FER1L6: variants seen among roughly 807,000 people sequenced by gnomAD.
FER1L6 encodes the protein fer-1-like protein 6.
FER1L6 carries 177 observed loss-of-function variants against 219.2 expected under a neutral mutation model. The observed-to-expected ratio is 0.81, with a 90% CI of 0.71 to 0.91. The LOEUF is 0.91. Ranked by LOEUF, FER1L6 falls within the 40% of genes least tolerant of loss-of-function variation. The probability of loss-of-function intolerance (pLI) is 0.00; values close to 1 mark genes in which losing one functional copy is unlikely to be tolerated. For synonymous variants in FER1L6, 768 were observed against 824.3 expected (o/e 0.93, Z 1.17); for missense variants, 2,153 against 2,259.9 (o/e 0.95, Z 0.96).
At chr8:124,067,847 C>T in intron 28 of FER1L6, 41 bp downstream of exon 28, 4 of 1,540,310 alleles carry the variant, frequency 2.6e-6, no homozygotes, top group Non-Finnish European at 3.6e-6. Context: ...TAGAATAGGG[C>T]CATCGTTACG....
At chr8:124,024,825 AG>A (rs1346699848) in intron 18 of FER1L6, among the ~76,000 whole-genome samples, 1 of 152,204 alleles carries the variant, frequency 6.6e-6, no homozygotes, top group African/African-American at 2.4e-5. Flanking sequence ...TCCCATCAGC[AG>A]TATAAAAGCA....
At chr8:124,009,038 T>C (rs754327043) in intron 13 of FER1L6, among the ~76,000 whole-genome samples, 1 of 152,030 alleles carries the variant, frequency 6.6e-6, no homozygotes, top group Non-Finnish European at 1.5e-5. Context: ...AAAAAATAGA[T>C]GTTGGCATGA....
chr8:123,872,227 C>T (rs972223512), intron 1 of FER1L6, among the ~76,000 whole-genome samples: 4 of 152,196 alleles, frequency 2.6e-5, no homozygotes, highest in Non-Finnish European at 5.9e-5. Context: ...ATAATCCAAT[C>T]ACCTCCCACC....
chr8:124,019,257 T>C (rs576965958), intron 16 of FER1L6, among the ~76,000 whole-genome samples: 1 of 152,334 alleles, frequency 6.6e-6, no homozygotes, highest in East Asian at 1.9e-4. Context: ...TTGATGATTA[T>C]GTATATTCAT....
intron 1 of FER1L6, among the ~76,000 whole-genome samples, chr8:123,914,308 T>G (rs1175119313): frequency 6.6e-6 from 1 of 152,194 alleles, no homozygotes; most frequent in African/African-American, 2.4e-5. Flanking sequence ...AATGATGTTT[T>G]TAGAAGAATA....
chr8:124,060,460 G>A, intron 23 of FER1L6, 88 bp from the exon 24 acceptor site: 2 of 1,543,830 alleles, frequency 1.3e-6, no homozygotes, highest in Non-Finnish European at 1.8e-6. Flanking sequence ...TTCTCAGGGA[G>A]CAGGTCTAAC....
At chr8:123,884,898 T>C (rs1311441842) in intron 1 of FER1L6, among the ~76,000 whole-genome samples, 1 of 152,154 alleles carries the variant, frequency 6.6e-6, no homozygotes, top group African/African-American at 2.4e-5. Context: ...AGAATGGAAC[T>C]CTATTTGAAA....
At chr8:123,906,898 C>A (rs769376894) in intron 1 of FER1L6, among the ~76,000 whole-genome samples, 1 of 151,954 alleles carries the variant, frequency 6.6e-6, no homozygotes, top group Non-Finnish European at 1.5e-5. Context: ...TCCAATTTCA[C>A]GTCTTGGATA....
chr8:123,965,490 T>G (rs895322329), intron 3 of FER1L6, among the ~76,000 whole-genome samples: 1 of 152,262 alleles, frequency 6.6e-6, no homozygotes, highest in African/African-American at 2.4e-5. Flanking sequence ...CCCTGGAATG[T>G]GAAATTTCAT....
intron 1 of FER1L6, among the ~76,000 whole-genome samples, chr8:123,940,620 G>A (rs1814201394): frequency 6.6e-6 from 1 of 152,218 alleles, no homozygotes; most frequent in South Asian, 2.1e-4. Context: ...TTACAGGTGT[G>A]AGCCACTGCA....
At chr8:123,952,371 C>T (rs143044508) in intron 1 of FER1L6, among the ~76,000 whole-genome samples, 337 of 152,368 alleles carry the variant, frequency 2.2e-3, no homozygotes, top group Non-Finnish European at 3.8e-3. Context: ...GCCACCTGAA[C>T]AGATGTGCTG....
At chr8:123,915,631 G>A (rs1029847372) in intron 1 of FER1L6, among the ~76,000 whole-genome samples, 1 of 152,134 alleles carries the variant, frequency 6.6e-6, no homozygotes, top group Admixed American at 6.5e-5. Context: ...CTCTCAGAAC[G>A]TTTACAGATT....
chr8:123,866,904 C>A (rs1460560347), intron 1 of FER1L6, among the ~76,000 whole-genome samples: 1 of 152,214 alleles, frequency 6.6e-6, no homozygotes, highest in Non-Finnish European at 1.5e-5. Flanking sequence ...CAGACATGAG[C>A]TACCACGCCT....
At chr8:123,972,503 C>G (rs1815863348) in intron 6 of FER1L6, among the ~76,000 whole-genome samples, 1 of 152,198 alleles carries the variant, frequency 6.6e-6, no homozygotes, top group Non-Finnish European at 1.5e-5. Flanking sequence ...CAGAATCCTT[C>G]TCCTCTTCCT....
At chr8:124,114,718 TTA>T (rs894039693) in intron 39 of FER1L6, among the ~76,000 whole-genome samples, 1 of 151,918 alleles carries the variant, frequency 6.6e-6, no homozygotes. Context: ...GCATATAAGA[TTA>T]TATATGACAT....
intron 2 of FER1L6, among the ~76,000 whole-genome samples, chr8:123,961,247 T>TA (rs1475727602): frequency 6.6e-6 from 1 of 152,094 alleles, no homozygotes; most frequent in Non-Finnish European, 1.5e-5. Context: ...GCCTGGGCGA[T>TA]AGAGTAAGAC....
chr8:124,008,027 T>C (rs1315189837), intron 13 of FER1L6, among the ~76,000 whole-genome samples: 5 of 152,188 alleles, frequency 3.3e-5, no homozygotes, highest in Non-Finnish European at 5.9e-5. Flanking sequence ...TGTGAGATTT[T>C]GGTGCACCCA....
chr8:123,930,782 G>A (rs62518728), intron 1 of FER1L6, among the ~76,000 whole-genome samples: 59,418 of 152,006 alleles, frequency 0.39, 12,243 homozygotes, highest in South Asian at 0.52. Context: ...TACCTGGCAC[G>A]TGGTAGGACT....
chr8:124,119,855 A>G lies in FER1L6; in HGVS notation c.*65A>G. 1 of 1,527,742 alleles carries G rather than the reference A, an allele frequency of 6.5e-7. No homozygotes were observed. Among genetic ancestry groups the G allele is most frequent in the Non-Finnish European group, 8.9e-7 (1 of 1,120,092 alleles). The allele number at this position is 1,527,742 out of a possible 1,614,324, so 94.6% of individuals were successfully genotyped here. A position where few individuals can be genotyped will look rare whatever the true frequency, so the allele number is the denominator to read the frequency against. On this transcript the variant is annotated 3_prime_UTR_variant, in exon 41 of 41. Coordinates refer to ENST00000522917, the MANE Select transcript of FER1L6 (RefSeq NM_001039112.2). ...CTCTCTTCCTTATCTGGGAGCATCT[A>G]AGAACATGTCCCATGCATGGCACTG...
Sources: gnomAD v4.1 joint callset for allele counts (sites outside exome capture counted in the v4.1 genomes callset) on GRCh38, gnomAD v4.1.1 for gene constraint, MANE v1.5 for transcripts, NCBI Gene and HGNC (gene_info 2026-07-23, HGNC 2026-07-21) for gene names.